Variants in PAK5 observed in about 807,000 individuals in gnomAD.
The protein encoded by PAK5 is serine/threonine-protein kinase PAK 5.
A neutral mutation model predicts 65.9 loss-of-function variants in PAK5; 16 were observed. The ratio of observed to expected loss-of-function variants is 0.24; its 90% CI spans 0.16 to 0.37. PAK5 has a LOEUF of 0.37. Among genes scored for constraint, PAK5 ranks in the 10% least tolerant of loss-of-function variants. The pLI is 1.00. For synonymous variants in PAK5, 371 were observed against 354.9 expected (o/e 1.05, Z -0.51); for missense variants, 785 against 903.9 (o/e 0.87, Z 1.69).
At chr20:9,766,194 C>T (rs546483573) in intron 1 of PAK5, among the ~76,000 whole-genome samples, 2 of 147,266 alleles carry the variant, frequency 1.4e-5, no homozygotes, top group South Asian at 4.4e-4. Flanking sequence ...TATACTCCAG[C>T]CTGGCGACAG....
At chr20:9,697,425 C>A (rs750757524) in intron 2 of PAK5, among the ~76,000 whole-genome samples, 23 of 151,996 alleles carry the variant, frequency 1.5e-4, no homozygotes, top group Non-Finnish European at 4.4e-5. Flanking sequence ...ATATGCTATT[C>A]CCTGTATCTA....
intron 2 of PAK5, among the ~76,000 whole-genome samples, chr20:9,679,252 T>C (rs890149580): frequency 1.3e-5 from 2 of 152,214 alleles, no homozygotes; most frequent in African/African-American, 2.4e-5. Flanking sequence ...ATACAAAATA[T>C]GTGTCATTGA....
chr20:9,752,886 G>A (rs961310831), intron 1 of PAK5, among the ~76,000 whole-genome samples: 2 of 152,144 alleles, frequency 1.3e-5, no homozygotes, highest in Admixed American at 1.3e-4. Context: ...GGAGGCAGAA[G>A]CACGCCAAAA....
At chr20:9,639,155 T>G (rs1433160555) in intron 3 of PAK5, among the ~76,000 whole-genome samples, 1 of 152,214 alleles carries the variant, frequency 6.6e-6, no homozygotes, top group Non-Finnish European at 1.5e-5. Flanking sequence ...ATGTCATTCT[T>G]AGGTGACTTG....
chr20:9,635,615 G>T (rs1217473663), intron 3 of PAK5, among the ~76,000 whole-genome samples: 2 of 152,092 alleles, frequency 1.3e-5, no homozygotes, highest in African/African-American at 2.4e-5. Context: ...TGGCTCCATT[G>T]TTACCTCTTA....
At chr20:9,622,937 T>C (rs1184058743) in intron 3 of PAK5, among the ~76,000 whole-genome samples, 1 of 152,212 alleles carries the variant, frequency 6.6e-6, no homozygotes, top group African/African-American at 2.4e-5. Flanking sequence ...GAATTAATTC[T>C]GAATGGATAA....
At chr20:9,688,521 T>C (rs1000418702) in intron 2 of PAK5, among the ~76,000 whole-genome samples, 1 of 151,994 alleles carries the variant, frequency 6.6e-6, no homozygotes, top group Non-Finnish European at 1.5e-5. Flanking sequence ...AAGGCTCCCC[T>C]GCTTGGGGCT....
chr20:9,628,107 T>C (rs2046872387), intron 3 of PAK5, among the ~76,000 whole-genome samples: 1 of 152,220 alleles, frequency 6.6e-6, no homozygotes, highest in Non-Finnish European at 1.5e-5. Flanking sequence ...GGAATTTTCA[T>C]TATACTTTGT....
intron 2 of PAK5, among the ~76,000 whole-genome samples, chr20:9,701,173 T>C (rs1397534158): frequency 1.3e-5 from 2 of 152,200 alleles, no homozygotes; most frequent in African/African-American, 4.8e-5. Flanking sequence ...CATTTCTCTC[T>C]ATATATATAG....
In PAK5 at chr20:9,543,046, T is replaced by C. The variant is rs190561400; in HGVS notation, c.1870-326A>G. On this transcript the variant is annotated intron_variant, in intron 8 of 9. Transcript: ENST00000353224. ...CAGATGAGAAAATCATCCGGTTTAA[T>C]GCTATGAAAATGGAGAAGAAAATTG... 1.5e-3 allele frequency among the ~76,000 whole-genome samples: 222 copies of C among 152,336 alleles called. 3 individuals carry two copies. Among genetic ancestry groups the C allele is most frequent in the Non-Finnish European group, 4.1e-4 (28 of 68,032 alleles).
At chr20:9,831,539 A>T (rs994195868) in intron 1 of PAK5, among the ~76,000 whole-genome samples, 1 of 152,196 alleles carries the variant, frequency 6.6e-6, no homozygotes, top group Non-Finnish European at 1.5e-5. Flanking sequence ...GCAGGGCCTC[A>T]CTCTGTCGCC....
chr20:9,786,292 A>C (rs2123708372), intron 1 of PAK5, among the ~76,000 whole-genome samples: 1 of 152,194 alleles, frequency 6.6e-6, no homozygotes, highest in South Asian at 2.1e-4. Context: ...GAATGATTTT[A>C]GGGTACCCAG....
intron 1 of PAK5, among the ~76,000 whole-genome samples, chr20:9,831,909 T>A (rs912440783): frequency 1.3e-5 from 2 of 152,240 alleles, no homozygotes; most frequent in Non-Finnish European, 2.9e-5. Flanking sequence ...TCTGTTTTTT[T>A]AAATATACCT....
intron 7 of PAK5, among the ~76,000 whole-genome samples, chr20:9,550,118 G>A (rs983534972): frequency 1.3e-5 from 2 of 152,186 alleles, no homozygotes; most frequent in African/African-American, 4.8e-5. Flanking sequence ...GTGAGCTTGT[G>A]GCAATGCTAC....
At chr20:9,747,990 C>T (rs932208838) in intron 1 of PAK5, among the ~76,000 whole-genome samples, 49 of 152,072 alleles carry the variant, frequency 3.2e-4, no homozygotes, top group African/African-American at 1.1e-3. Flanking sequence ...CAGCAAAGTC[C>T]CAGGATACAA....
intron 1 of PAK5, among the ~76,000 whole-genome samples, chr20:9,813,617 CTG>C (rs1232678782): frequency 6.6e-6 from 1 of 152,072 alleles, no homozygotes; most frequent in African/African-American, 2.4e-5. Flanking sequence ...GCAGAAAAAA[CTG>C]TGGTGTATTC....
Position 9,539,441 on chromosome 20 carries a change from C to T in PAK5, c.*21G>A, listed in dbSNP as rs746796639. ...ATTCTCATGTCCTCATCTAGCTTTG[C>T]CACCTACACGAATCCTCTGCTCAGT... On this transcript the variant is annotated 3_prime_UTR_variant, in exon 10 of 10. Coordinates refer to ENST00000353224, the MANE Select transcript of PAK5 (RefSeq NM_177990.4). 6.2e-7 allele frequency: 1 copy of T among 1,609,800 alleles called. No homozygotes were observed. Among genetic ancestry groups the T allele is most frequent in the African/African-American group, 1.3e-5 (1 of 74,932 alleles).
chr20:9,554,384 G>A (rs531863512), intron 7 of PAK5, among the ~76,000 whole-genome samples: 1 of 152,294 alleles, frequency 6.6e-6, no homozygotes, highest in South Asian at 2.1e-4. Context: ...CAAGCCACAT[G>A]GGGAGGCCAC....
chr20:9,618,941 T>G (rs2046720356), intron 3 of PAK5, among the ~76,000 whole-genome samples: 1 of 125,050 alleles, frequency 8.0e-6, no homozygotes, highest in Non-Finnish European at 1.7e-5. Context: ...TTTTTTTTTT[T>G]TTTTTTTTAA....
Sources: gnomAD v4.1 joint callset for allele counts (sites outside exome capture counted in the v4.1 genomes callset) on GRCh38, gnomAD v4.1.1 for gene constraint, MANE v1.5 for transcripts, NCBI Gene and HGNC (gene_info 2026-07-23, HGNC 2026-07-21) for gene names.